Variants in AKAP7 observed in about 807,000 individuals in gnomAD.
AKAP7 encodes A-kinase anchoring protein 7.
Under a neutral mutation model 39.5 loss-of-function variants are expected in AKAP7, and 39 were observed. That is an observed-to-expected ratio of 0.99 (90% CI 0.76 to 1.29). The LOEUF is 1.29. Among genes scored for constraint, AKAP7 ranks in the 50% most tolerant of loss-of-function variants. The pLI, the probability that AKAP7 is intolerant of heterozygous loss-of-function variation, is 0.00. For synonymous variants in AKAP7, 140 were observed against 139.1 expected, an observed-to-expected ratio of 1.01 and a Z score of -0.05; for missense variants, 414 against 407.7, an observed-to-expected ratio of 1.02 and a Z score of -0.13.
rs34446309 is a variant in AKAP7 at position 131,159,990 on chromosome 6, GT to G, written c.152-60del. On this transcript the variant is annotated intron_variant, in intron 2 of 7. Coordinates refer to ENST00000431975, the MANE Select transcript of AKAP7 (RefSeq NM_016377.4). Reference sequence around the variant, plus strand: ...AATGATTGCTACTTATATATTGCTTGTTTTTTTTTCTGACTGTATTATCTTT... The same window carrying G: ...AATGATTGCTACTTATATATTGCTTGTTTTTTTTCTGACTGTATTATCTTT... 2,376 of 1,299,104 alleles carry G rather than the reference GT, an allele frequency of 1.8e-3. 6 individuals are homozygous for G. The highest frequency in any genetic ancestry group is 2.3e-3 in the Non-Finnish European group (2,222 of 961,978). The allele number at this position is 1,299,104 out of a possible 1,614,324, so 80.5% of individuals were successfully genotyped here.
At chr6:131,145,200 G>A in intron 1 of AKAP7, 85 bp from the exon 2 acceptor site, 1 of 942,960 alleles carries the variant, frequency 1.1e-6, no homozygotes. Flanking sequence ...ATTGAAATCA[G>A]TGAGCTGAGT....
At chr6:131,272,629 T>G (rs1814383842) in intron 7 of AKAP7, among the ~76,000 whole-genome samples, 1 of 152,238 alleles carries the variant, frequency 6.6e-6, no homozygotes. Context: ...TTTAGAAACA[T>G]TGTTTAAATA....
At chr6:131,236,892 T>C (rs545030602) in intron 7 of AKAP7, among the ~76,000 whole-genome samples, 2 of 152,314 alleles carry the variant, frequency 1.3e-5, no homozygotes, top group Admixed American at 1.3e-4. Flanking sequence ...TTGAATACCC[T>C]TTATTTCCTT....
At chr6:131,144,192 T>C (rs1332211618) in intron 1 of AKAP7, among the ~76,000 whole-genome samples, 1 of 148,576 alleles carries the variant, frequency 6.7e-6, no homozygotes, top group Non-Finnish European at 1.5e-5. Flanking sequence ...CCATCCGATT[T>C]CTCAATTTTT....
chr6:131,126,233 T>C, the AKAP7 span, among the ~76,000 whole-genome samples: 1 of 152,360 alleles, frequency 6.6e-6, no homozygotes, highest in Admixed American at 6.5e-5. Flanking sequence ...TAATTGAATA[T>C]GCTGGCTGTC....
intron 7 of AKAP7, among the ~76,000 whole-genome samples, chr6:131,231,722 C>T (rs1420507364): frequency 6.6e-6 from 1 of 152,104 alleles, no homozygotes; most frequent in Non-Finnish European, 1.5e-5. Flanking sequence ...CCAAGACTAT[C>T]CTGGCTTAAC....
chr6:131,224,118 C>T (rs75633819), intron 7 of AKAP7, among the ~76,000 whole-genome samples: 2,101 of 152,240 alleles, frequency 0.014, 56 homozygotes, highest in African/African-American at 0.048. Flanking sequence ...TTTCGTGGGT[C>T]ACATTTGGCG....
chr6:131,271,895 T>C (rs1417730323), intron 7 of AKAP7, among the ~76,000 whole-genome samples: 2 of 152,168 alleles, frequency 1.3e-5, no homozygotes, highest in Non-Finnish European at 2.9e-5. Context: ...TAGAAAAGCA[T>C]TGGTAGTGTG....
chr6:131,206,868 C>T (rs1472978851), intron 6 of AKAP7, among the ~76,000 whole-genome samples: 1 of 152,114 alleles, frequency 6.6e-6, no homozygotes, highest in Non-Finnish European at 1.5e-5. Flanking sequence ...CTGCCACTCA[C>T]TTTTGGGGGT....
rs1367120493 is a variant in AKAP7, at chr6:131,207,517, T to TTTTTTTTTTTTTTTTTTTTTA, written c.702+7944_702+7945insTTTTTTTTTTTTTTTTTTTTA. Among the ~76,000 whole-genome samples, 7 of 141,658 alleles carry TTTTTTTTTTTTTTTTTTTTTA rather than the reference T, an allele frequency of 4.9e-5. 1 individual carries two copies. The highest frequency in any genetic ancestry group is 1.9e-4 in the African/African-American group (7 of 36,732). 92.9% of individuals were successfully genotyped at this position (141,658 alleles called of 152,430 possible). A position where few individuals can be genotyped will look rare whatever the true frequency, so the allele number is the denominator to read the frequency against. ...TTTTTTTTTTTTTTTTTTTTTTTTT[T>TTTTTTTTTTTTTTTTTTTTTA]AGATATGGGGTGTTGCTATGTTGCC... is the stretch of plus-strand genomic sequence containing the variant. On this transcript the variant is annotated intron_variant, in intron 6 of 7. Coordinates refer to ENST00000431975, the MANE Select transcript of AKAP7 (RefSeq NM_016377.4).
At chr6:131,133,979 T>C (rs973886653), upstream of AKAP7, among the ~76,000 whole-genome samples, 3 of 152,158 alleles carry the variant, frequency 2.0e-5, no homozygotes, top group Non-Finnish European at 4.4e-5. Context: ...TTGTTGTTTG[T>C]TTGTTTGTTT....
chr6:131,153,433 C>T (rs897055465), intron 2 of AKAP7, among the ~76,000 whole-genome samples: 13 of 152,084 alleles, frequency 8.5e-5, no homozygotes, highest in African/African-American at 3.1e-4. Flanking sequence ...TTATTTTTGC[C>T]TGAAAGTATT....
intron 3 of AKAP7, among the ~76,000 whole-genome samples, chr6:131,163,790 G>A (rs765646590): frequency 6.6e-6 from 1 of 150,416 alleles, no homozygotes; most frequent in African/African-American, 2.4e-5. Context: ...ACATTTTGAT[G>A]GGGGTACAGT....
chr6:131,253,414 G>A (rs763985809), intron 7 of AKAP7, among the ~76,000 whole-genome samples: 36 of 152,250 alleles, frequency 2.4e-4, no homozygotes, highest in Non-Finnish European at 4.3e-4. Context: ...TCAAATCAGG[G>A]CAATTAGGAT....
rs1800473398 is a variant in AKAP7, at chr6:131,135,717, C to T, written c.-47C>T. 7.5e-6 allele frequency: 9 copies of T among 1,198,162 alleles called. No homozygotes were observed. The highest frequency in any genetic ancestry group is 9.3e-6 in the Non-Finnish European group (9 of 968,490). 74.2% of individuals were successfully genotyped at this position (1,198,162 alleles called of 1,614,324 possible). A position where few individuals can be genotyped will look rare whatever the true frequency, so the allele number is the denominator to read the frequency against. On this transcript the variant is annotated 5_prime_UTR_variant, in exon 1 of 8. Coordinates refer to ENST00000431975, the MANE Select transcript of AKAP7 (RefSeq NM_016377.4). ...TCCAGCCCCGGGACGCGGCCCGCCACCGCCGCTGCCGCCAGCCCAGACGCG... is the reference window on the plus strand; with the variant it reads ...TCCAGCCCCGGGACGCGGCCCGCCATCGCCGCTGCCGCCAGCCCAGACGCG...
chr6:131,212,363 A>G (rs138193932), intron 6 of AKAP7, among the ~76,000 whole-genome samples: 5 of 152,326 alleles, frequency 3.3e-5, no homozygotes, highest in Non-Finnish European at 4.4e-5. Flanking sequence ...TCATTTTAAA[A>G]TTGGTTTAAG....
At chr6:131,250,713 TAGC>T in intron 7 of AKAP7, 1 of 1,223,632 alleles carries the variant, frequency 8.2e-7, no homozygotes. Flanking sequence ...ATGGGAAGGA[TAGC>T]AGACTAATCA....
intron 7 of AKAP7, among the ~76,000 whole-genome samples, chr6:131,280,661 G>A (rs999527642): frequency 1.3e-5 from 2 of 152,152 alleles, no homozygotes; most frequent in Non-Finnish European, 2.9e-5. Context: ...CAGCTCGATG[G>A]GAGGAGATTG....
chr6:131,140,339 C>G (rs1017885370), intron 1 of AKAP7, among the ~76,000 whole-genome samples: 4 of 152,008 alleles, frequency 2.6e-5, no homozygotes, highest in African/African-American at 9.7e-5. Context: ...CCGTGTGATT[C>G]TCTCTTTGGT....
Sources: allele counts gnomAD v4.1 joint callset (sites outside exome capture counted in the v4.1 genomes callset), GRCh38; gene constraint gnomAD v4.1.1; transcripts MANE v1.5; gene names NCBI Gene and HGNC (gene_info 2026-07-23, HGNC 2026-07-21).